The following KCNIP4 variants were observed in gnomAD, a reference collection of about 807,000 sequenced individuals.
KCNIP4 encodes the protein potassium voltage-gated channel interacting protein 4, also known as Kv channel-interacting protein 4.
A neutral mutation model predicts 34.0 loss-of-function variants in KCNIP4; 12 were observed. The observed-to-expected ratio is 0.35, with a 90% CI of 0.23 to 0.57. The LOEUF is 0.57. KCNIP4 is among the 20% of genes least tolerant of loss of function. The pLI is 0.83. For synonymous variants in KCNIP4, 124 were observed against 102.2 expected (o/e 1.21, Z -1.29); for missense variants, 238 against 311.7 (o/e 0.76, Z 1.78).
intron 1 of KCNIP4, among the ~76,000 whole-genome samples, chr4:21,589,019 A>G (rs1378126467): frequency 6.6e-6 from 1 of 150,982 alleles, no homozygotes; most frequent in Non-Finnish European, 1.5e-5. Context: ...GAGATAAAAG[A>G]AAGTCAAATC....
intron 1 of KCNIP4, among the ~76,000 whole-genome samples, chr4:21,498,489 A>G (rs1428261611): frequency 6.6e-6 from 1 of 152,236 alleles, no homozygotes; most frequent in Non-Finnish European, 1.5e-5. Flanking sequence ...CAGAGAAATA[A>G]CTAATTCATT....
intron 3 of KCNIP4, among the ~76,000 whole-genome samples, chr4:20,834,369 ATG>A (rs1718791616): frequency 1.3e-5 from 2 of 152,324 alleles, no homozygotes; most frequent in South Asian, 4.1e-4. Context: ...TACTGGGTAT[ATG>A]TGGGTAAGCC....
In KCNIP4 at chr4:21,885,317, C is replaced by A. The variant is rs147241902; in HGVS notation, c.61+63254G>T. ...CAGGAAGCCACTACATTCTGTAGAA[C>A]TGAACATTGTTCTATTCGTGAAAAA... is the stretch of plus-strand genomic sequence containing the variant. On this transcript the variant is annotated intron_variant, in intron 1 of 8. Transcript: ENST00000382152. 2.0e-3 allele frequency among the ~76,000 whole-genome samples: 312 copies of A among 152,242 alleles called. 1 individual carries two copies. Among genetic ancestry groups the A allele is most frequent in the African/African-American group, 6.9e-3 (288 of 41,550 alleles).
intron 1 of KCNIP4, among the ~76,000 whole-genome samples, chr4:21,546,288 T>G (rs983803646): frequency 6.6e-6 from 1 of 152,126 alleles, no homozygotes; most frequent in Non-Finnish European, 1.5e-5. Context: ...TTAGAATTCT[T>G]AGAATTCTCA....
chr4:21,609,620 T>G (rs1233888493), intron 1 of KCNIP4, among the ~76,000 whole-genome samples: 1 of 152,114 alleles, frequency 6.6e-6, no homozygotes, highest in African/African-American at 2.4e-5. Flanking sequence ...GTAATCACAA[T>G]GAAGATGATA....
rs569590714 is a variant in KCNIP4 at position 21,195,020 on chromosome 4, T to C, written c.62-312311A>G. On this transcript the variant is annotated intron_variant, in intron 1 of 8. Coordinates refer to ENST00000382152, the MANE Select transcript of KCNIP4 (RefSeq NM_025221.6). Reference sequence around the variant, plus strand: ...CCCATGGGTTAGATCTCAGCTCAAGTGTGGCTTCTCAAAGGGAAACTTCTC... The same window carrying C: ...CCCATGGGTTAGATCTCAGCTCAAGCGTGGCTTCTCAAAGGGAAACTTCTC... Among the ~76,000 whole-genome samples, 18 of 152,312 alleles carry C rather than the reference T, an allele frequency of 1.2e-4. No individual in the cohort carries two copies. The South Asian group carries it at 3.5e-3, about 30-fold the overall frequency.
intron 1 of KCNIP4, among the ~76,000 whole-genome samples, chr4:21,821,547 T>A (rs1435183918): frequency 6.6e-6 from 1 of 152,166 alleles, no homozygotes; most frequent in African/African-American, 2.4e-5. Flanking sequence ...TATGGAATTT[T>A]AAAATTTGTC....
intron 1 of KCNIP4, among the ~76,000 whole-genome samples, chr4:21,795,712 G>A (rs187390053): frequency 1.3e-5 from 2 of 151,980 alleles, no homozygotes; most frequent in Admixed American, 6.6e-5. Flanking sequence ...AGATGCAAGG[G>A]TATATTGCAT....
At chr4:21,939,074 T>G (rs4697250) in intron 1 of KCNIP4, among the ~76,000 whole-genome samples, 36,374 of 152,044 alleles carry the variant, frequency 0.24, 5,365 homozygotes, top group South Asian at 0.36. Flanking sequence ...AAGGCCACAA[T>G]CTCATGCTCA....
intron 1 of KCNIP4, among the ~76,000 whole-genome samples, chr4:21,894,161 GTC>G (rs1333135651): frequency 6.6e-6 from 1 of 151,748 alleles, no homozygotes; most frequent in Non-Finnish European, 1.5e-5. Context: ...GTAAAACCCT[GTC>G]TCTACTAAAA....
chr4:21,154,308 T>C (rs1752985337), intron 1 of KCNIP4, among the ~76,000 whole-genome samples: 3 of 152,194 alleles, frequency 2.0e-5, no homozygotes, highest in African/African-American at 7.2e-5. Flanking sequence ...CAAATATGTA[T>C]AACTATTATG....
chr4:21,447,586 G>A (rs1347860618), intron 1 of KCNIP4, among the ~76,000 whole-genome samples: 1 of 152,086 alleles, frequency 6.6e-6, no homozygotes, highest in Non-Finnish European at 1.5e-5. Context: ...TATATACAAT[G>A]TTTTATTCCT....
intron 1 of KCNIP4, among the ~76,000 whole-genome samples, chr4:21,357,676 C>T (rs1456861282): frequency 1.3e-5 from 2 of 152,242 alleles, no homozygotes; most frequent in South Asian, 2.1e-4. Flanking sequence ...ACAACAGATG[C>T]TGGAGAGGAT....
At chr4:20,970,093 C>T (rs1034726254) in intron 1 of KCNIP4, among the ~76,000 whole-genome samples, 3 of 152,038 alleles carry the variant, frequency 2.0e-5, no homozygotes, top group Non-Finnish European at 4.4e-5. Flanking sequence ...AGGCGCCCGC[C>T]ACCACGCCCG....
intron 1 of KCNIP4, among the ~76,000 whole-genome samples, chr4:21,873,817 T>C (rs1725944654): frequency 6.6e-6 from 1 of 152,208 alleles, no homozygotes; most frequent in Non-Finnish European, 1.5e-5. Context: ...CAATGCTGTC[T>C]GGGTGAAAGA....
In KCNIP4 at chr4:21,486,726, T is replaced by C. The variant is rs1298397195; in HGVS notation, c.61+461845A>G. ...TAAAAATTGCTAAGATAGTACAGAT[T>C]TCCCATATATGCTGTATGCAGTATC... is the stretch of plus-strand genomic sequence containing the variant. On this transcript the variant is annotated intron_variant, in intron 1 of 8. Transcript: ENST00000382152. 2.0e-5 allele frequency among the ~76,000 whole-genome samples: 3 copies of C among 152,222 alleles called. No individual in the cohort carries two copies. In the East Asian group the frequency reaches 5.8e-4, roughly 29 times the overall value.
chr4:20,956,991 T>C (rs1733377880), intron 1 of KCNIP4, among the ~76,000 whole-genome samples: 1 of 151,964 alleles, frequency 6.6e-6, no homozygotes, highest in African/African-American at 2.4e-5. Flanking sequence ...TTAGTAGTGT[T>C]ACAATTTTTA....
chr4:20,967,275 C>T (rs1734449872), intron 1 of KCNIP4, among the ~76,000 whole-genome samples: 1 of 152,030 alleles, frequency 6.6e-6, no homozygotes, highest in South Asian at 2.1e-4. Flanking sequence ...AAAGATATTA[C>T]TCTCTCGACA....
chr4:21,859,743 A>T (rs1380866646), intron 1 of KCNIP4, among the ~76,000 whole-genome samples: 1 of 152,216 alleles, frequency 6.6e-6, no homozygotes, highest in Non-Finnish European at 1.5e-5. Context: ...TAAAAAATTG[A>T]TTCAGAAGGG....
Sources: gnomAD v4.1 joint callset for allele counts (sites outside exome capture counted in the v4.1 genomes callset) on GRCh38, gnomAD v4.1.1 for gene constraint, MANE v1.5 for transcripts, NCBI Gene and HGNC (gene_info 2026-07-23, HGNC 2026-07-21) for gene names.